Variants in PCDHGB1 observed in about 807,000 individuals in gnomAD.
PCDHGB1 encodes protocadherin gamma subfamily B, 1.
PCDHGB1 carries 34 observed loss-of-function variants against 56.6 expected under a neutral mutation model. That is an observed-to-expected ratio of 0.60 (90% confidence interval 0.46 to 0.80). PCDHGB1 has a LOEUF of 0.80. PCDHGB1 is among the 30% of genes least tolerant of loss of function. The pLI is 0.00. For missense variants in PCDHGB1, 1,278 were observed against 1,204.6 expected (o/e 1.06, Z -0.90); for synonymous variants, 561 against 505.9 (o/e 1.11, Z -1.46).
chr5:141,446,622 G>A (rs1338969669), intron 1 of PCDHGB1, among the ~76,000 whole-genome samples: 13 of 152,044 alleles, frequency 8.6e-5, no homozygotes, highest in East Asian at 1.9e-4. Flanking sequence ...GACTACAGGC[G>A]TGCACCACCA....
chr5:141,432,918 A>C lies in PCDHGB1; in HGVS notation c.2410-61889A>C. ...CTGGCGCTCAGGCTGCGGCGCTGGC[A>C]CAAGTCACGCCTGCTGCAGGCTTCA... On this transcript the variant is annotated intron_variant, in intron 1 of 3. Coordinates refer to ENST00000523390, the MANE Select transcript of PCDHGB1 (RefSeq NM_018922.3). This position sits in a 1 kb window ranked among gnomAD's most constrained non-coding sequence, Gnocchi z 6.0. 1 of 1,614,128 alleles carries C rather than the reference A, an allele frequency of 6.2e-7. No homozygotes were observed. Among genetic ancestry groups the C allele is most frequent in the South Asian group, 1.1e-5 (1 of 91,082 alleles).
chr5:141,410,090 C>A (rs369832481), intron 1 of PCDHGB1: 51 of 1,612,358 alleles, frequency 3.2e-5, no homozygotes, highest in Middle Eastern at 1.7e-4. Context: ...GCGCACGGCT[C>A]GAGCCTTAGG....
chr5:141,397,012 A>C (rs944352237), intron 1 of PCDHGB1, among the ~76,000 whole-genome samples: 2 of 152,260 alleles, frequency 1.3e-5, no homozygotes, highest in African/African-American at 4.8e-5. Flanking sequence ...AATGGACTAA[A>C]GAAGGTTGAC....
rs1369956811 is a variant in PCDHGB1, at chr5:141,460,759, A to G, written c.2410-34048A>G. Among the ~76,000 whole-genome samples, 3 of 152,088 alleles carry G rather than the reference A, an allele frequency of 2.0e-5. No individual in the cohort carries two copies. In the East Asian group the frequency reaches 5.8e-4, roughly 29 times the overall value. On this transcript the variant is annotated intron_variant, in intron 1 of 3. Coordinates refer to ENST00000523390, the MANE Select transcript of PCDHGB1 (RefSeq NM_018922.3). ...ATTGTATATATATGTGTACATATAC[A>G]TATTGCATATGTATGTATACATATA...
rs1758720345 is a variant in PCDHGB1 at position 141,351,440 on chromosome 5, T to C, written c.1180T>C (p.Ser394Pro). ...EEVPFKLEST[S>P]KNYYKLVIAG... ...AGTTCCTTTCAAATTAGAATCCACC[T>C]CGAAGAATTATTACAAGCTGGTGAT... is the stretch of plus-strand genomic sequence containing the variant. The change falls in exon 1 of 4, where the codon TCG (serine) becomes CCG (proline). Residue 394 changes from serine to proline, a missense_variant. Ser to Pro is a moderately conservative substitution (Grantham distance 74, BLOSUM62 -1). Coordinates refer to ENST00000523390, the MANE Select transcript of PCDHGB1 (RefSeq NM_018922.3). 6.2e-7 allele frequency: 1 copy of C among 1,612,578 alleles called. No individual in the cohort carries two copies. Among genetic ancestry groups the C allele is most frequent in the Non-Finnish European group, 8.5e-7 (1 of 1,179,174 alleles).
chr5:141,389,618 C>T (rs1224398489), intron 1 of PCDHGB1: 46 of 1,612,930 alleles, frequency 2.9e-5, no homozygotes, highest in Middle Eastern at 1.7e-4. Flanking sequence ...TGGTGCCGCA[C>T]GCTGCAGAGC....
intron 1 of PCDHGB1, among the ~76,000 whole-genome samples, chr5:141,358,789 G>A (rs1467414282): frequency 1.3e-5 from 2 of 152,156 alleles, no homozygotes; most frequent in Non-Finnish European, 2.9e-5. Flanking sequence ...AGTTACTTGG[G>A]TTCTGGACTG....
chr5:141,422,422 T>TA, intron 1 of PCDHGB1: 1 of 1,607,804 alleles, frequency 6.2e-7, no homozygotes, highest in Non-Finnish European at 8.5e-7. Flanking sequence ...AGAAAAGACT[T>TA]ATGGAAATTA....
Position 141,389,586 on chromosome 5 carries a change from G to A in PCDHGB1, c.2409+36917G>A, listed in dbSNP as rs369593580. 471 of 1,613,048 alleles carry A rather than the reference G, an allele frequency of 2.9e-4. No homozygotes were observed. Among genetic ancestry groups the A allele is most frequent in the Non-Finnish European group, 3.8e-4 (446 of 1,179,788 alleles). ...GGTGCTGTACCCCGCGCTGGGTCCC[G>A]ACGGCTCTGCGCTCTTCGATATGGT... On this transcript the variant is annotated intron_variant, in intron 1 of 3. Coordinates refer to ENST00000523390, the MANE Select transcript of PCDHGB1 (RefSeq NM_018922.3).
intron 1 of PCDHGB1, chr5:141,389,969 C>G: frequency 6.2e-7 from 1 of 1,614,042 alleles, no homozygotes; most frequent in Non-Finnish European, 8.5e-7. Context: ...TGGCCTTGGC[C>G]TTGATCTCAG....
chr5:141,452,830 T>A (rs2098749929), intron 1 of PCDHGB1, among the ~76,000 whole-genome samples: 1 of 152,166 alleles, frequency 6.6e-6, no homozygotes, highest in South Asian at 2.1e-4. Context: ...CAAAATCACT[T>A]GGTCCAGCCC....
chr5:141,350,916 T>G lies in PCDHGB1; in HGVS notation c.656T>G (p.Leu219Arg), dbSNP rs761144517. Residue 219 changes from leucine (L) to arginine (R), a missense_variant, in exon 1 of 4, where the codon CTA (leucine) becomes CGA (arginine). By Grantham distance (102) the Leu-to-Arg change is moderately radical. Coordinates refer to ENST00000523390, the MANE Select transcript of PCDHGB1 (RefSeq NM_018922.3). ...GCCATGGATGGCGGGGACCCGCCTC[T>G]AAGCGGCACCACCCATATCTGGATC... ...LTAMDGGDPP[L>R]SGTTHIWIRV... The G allele has an allele frequency of 6.2e-7, 1 of 1,614,080 alleles. No individual in the cohort carries two copies. Among genetic ancestry groups the G allele is most frequent in the Admixed American group, 1.7e-5 (1 of 60,032 alleles).
chr5:141,394,926 C>T, intron 1 of PCDHGB1: 2 of 1,613,844 alleles, frequency 1.2e-6, no homozygotes, highest in Non-Finnish European at 1.7e-6. Context: ...CTGTGTCTTC[C>T]TCGCCTTTGT....
chr5:141,357,607 G>C lies in PCDHGB1; in HGVS notation c.2409+4938G>C, dbSNP rs771677698. 16 of 1,613,832 alleles carry C rather than the reference G, an allele frequency of 9.9e-6. No homozygotes were observed. The Admixed American group carries it at 2.7e-4, about 27-fold the overall frequency. ...TCAGGATTTACTTGAAACAAAAGGA[G>C]ACCCTAATCTTCAGGTGAGTCAATC... On this transcript the variant is annotated intron_variant, in intron 1 of 3. Coordinates refer to ENST00000523390, the MANE Select transcript of PCDHGB1 (RefSeq NM_018922.3).
intron 1 of PCDHGB1, chr5:141,430,861 A>C: frequency 6.3e-7 from 1 of 1,592,834 alleles, no homozygotes; most frequent in Middle Eastern, 1.7e-4. Flanking sequence ...TACGCTATTC[A>C]GTTCCGGAAG....
At chr5:141,399,576 C>A (rs2093838433) in intron 1 of PCDHGB1, 4 of 1,614,028 alleles carry the variant, frequency 2.5e-6, no homozygotes, top group Non-Finnish European at 3.4e-6. Context: ...ACGGCCAAGT[C>A]TCCTACTCTA....
chr5:141,433,592 T>C (rs1043652093), intron 1 of PCDHGB1, among the ~76,000 whole-genome samples: 5 of 152,020 alleles, frequency 3.3e-5, no homozygotes, highest in Non-Finnish European at 7.4e-5. Context: ...TCCCAGTACT[T>C]TGGGAGGCCG....
chr5:141,428,194 T>C (rs2097123409), intron 1 of PCDHGB1: 1 of 1,414,108 alleles, frequency 7.1e-7, no homozygotes, highest in Admixed American at 1.8e-5. Flanking sequence ...CGCCGCTCTC[T>C]GCGCCGCTAC....
intron 1 of PCDHGB1, among the ~76,000 whole-genome samples, chr5:141,470,717 A>G (rs1353989037): frequency 6.6e-6 from 1 of 152,010 alleles, no homozygotes; most frequent in Non-Finnish European, 1.5e-5. Flanking sequence ...TATTTTTTTG[A>G]GTCAGGGTCT....
Sources: allele counts gnomAD v4.1 joint callset (sites outside exome capture counted in the v4.1 genomes callset), GRCh38; gene constraint gnomAD v4.1.1; non-coding constraint Gnocchi (gnomAD v3.1); transcripts MANE v1.5; gene names NCBI Gene and HGNC (gene_info 2026-07-23, HGNC 2026-07-21).